ABCC11: variants seen among roughly 807,000 people sequenced by gnomAD.
ABCC11 encodes the protein ATP-binding cassette sub-family C member 11.
In ABCC11, 135 loss-of-function variants were observed where a neutral mutation model predicts 149.3. That is an observed-to-expected ratio of 0.90 (90% CI 0.79 to 1.04). The LOEUF is 1.04. ABCC11 is among the 50% of genes least tolerant of loss of function. The pLI is 0.00. For synonymous variants in ABCC11, 665 were observed against 671.4 expected (o/e 0.99, Z 0.15); for missense variants, 1,680 against 1,722.1 (o/e 0.98, Z 0.43).
At chr16:48,224,240 G>A (rs1969928923) in intron 5 of ABCC11, 42 bp downstream of exon 5, 1 of 1,597,510 alleles carries the variant, frequency 6.3e-7, no homozygotes, top group African/African-American at 1.3e-5. Flanking sequence ...CTAAACCTCT[G>A]AAGCCTAGAG....
At position 48,187,968 on chromosome 16, in the gene ABCC11, C is replaced by T. The variant is rs149903933; in HGVS notation, c.2707-541G>A. The stretch of plus-strand genomic sequence containing the variant: ...CCATAAGACAGGCCCACCAGTGTGT[C>T]GTGTCAGTTTACCATTCCCATGGCA... On this transcript the variant is annotated intron_variant, in intron 20 of 29. Transcript: ENST00000356608. 2.2e-4 allele frequency among the ~76,000 whole-genome samples: 33 copies of T among 152,230 alleles called. No individual in the cohort carries two copies. The East Asian group carries it at 5.6e-3, about 26-fold the overall frequency.
chr16:48,180,629 C>G (rs573760943), intron 23 of ABCC11, among the ~76,000 whole-genome samples: 34 of 152,288 alleles, frequency 2.2e-4, no homozygotes, highest in Admixed American at 3.9e-4. Context: ...CCTCCCAATG[C>G]TCGAATGTAA....
chr16:48,230,526 A>G lies in ABCC11; in HGVS notation c.147T>C (p.Asn49=). The part of the protein sequence containing the change: ...QDGPWSQQER[N]PEAPGRAAVP... ...CAGCTGCCCTCCCTGGAGCCTCAGG[A>G]TTTCTCTCTTGCTGACTCCAGGGGC... The change falls in exon 3 of 30, where the codon AAT becomes AAC. Residue 49 remains asparagine, a synonymous_variant. Transcript: ENST00000356608. The G allele has an allele frequency of 6.2e-7, 1 of 1,612,470 alleles. No individual in the cohort carries two copies. Among genetic ancestry groups the G allele is most frequent in the African/African-American group, 1.3e-5 (1 of 74,982 alleles).
At position 48,187,474 on chromosome 16, in the gene ABCC11, T is replaced by G. The variant is rs369803247; in HGVS notation, c.2707-47A>C. The G allele has an allele frequency of 4.0e-6, 6 of 1,492,100 alleles. No homozygotes were observed. The African/African-American group carries it at 7.0e-5, about 17-fold the overall frequency. 92.4% of individuals were successfully genotyped at this position (1,492,100 alleles called of 1,614,324 possible). On this transcript the variant is annotated intron_variant, in intron 20 of 29. Coordinates refer to ENST00000356608, the MANE Select transcript of ABCC11 (RefSeq NM_001370497.1). ...AGACCATGAGAGAAGCTGCAGGCCC[T>G]GCTCAAGATTGGATGAAGATGCCTG...
chr16:48,207,576 A>G (rs1968550782), intron 12 of ABCC11, among the ~76,000 whole-genome samples: 1 of 152,068 alleles, frequency 6.6e-6, no homozygotes, highest in Non-Finnish European at 1.5e-5. Context: ...TTGAGGCATG[A>G]GAATCACTTG....
At chr16:48,182,906 G>A (rs998959807) in intron 23 of ABCC11, among the ~76,000 whole-genome samples, 3 of 152,160 alleles carry the variant, frequency 2.0e-5, no homozygotes, top group African/African-American at 7.2e-5. Flanking sequence ...TTCCTCATCT[G>A]TAAAAGGGAG....
At chr16:48,244,389 A>T in intron 1 of ABCC11, 1 of 1,542,142 alleles carries the variant, frequency 6.5e-7, no homozygotes, top group Non-Finnish European at 8.7e-7. Flanking sequence ...GGCTGCCAGC[A>T]TGTCATCAGT....
At position 48,215,325 on chromosome 16, in the gene ABCC11, G is replaced by A. The variant is rs2150874849; in HGVS notation, c.971C>T (p.Ala324Val). 6.2e-7 allele frequency: 1 copy of A among 1,613,796 alleles called. No individual in the cohort carries two copies. The change falls in exon 8 of 30, where the codon GCT (alanine) becomes GTT (valine). Residue 324 changes from alanine (A) to valine (V), a missense_variant. Transcript: ENST00000356608. The stretch of plus-strand genomic sequence containing the variant: ...AGATGTGTGATGCTGAGCCTTCACA[G>A]CCATTCTTGTCATGAATACCTGGAG... Reference protein sequence around the residue: ...FPLAVFMTRMAVKAQHHTSEV... With the variant: ...FPLAVFMTRMVVKAQHHTSEV...
intron 20 of ABCC11, 116 bp downstream of exon 20, chr16:48,192,404 A>C: frequency 8.7e-7 from 1 of 1,148,292 alleles, no homozygotes; most frequent in East Asian, 2.6e-5. Context: ...AGATTGTGCC[A>C]CTGCACTCCA....
chr16:48,182,513 C>A (rs999012146), intron 23 of ABCC11, among the ~76,000 whole-genome samples: 5 of 152,136 alleles, frequency 3.3e-5, no homozygotes, highest in Non-Finnish European at 5.9e-5. Flanking sequence ...GGCGCGGTGG[C>A]TCACACCTGT....
rs759478926 is a variant in ABCC11 at position 48,200,297 on chromosome 16, G to A, written c.2061C>T (p.Val687=). 2 of 1,614,112 alleles carry A rather than the reference G, an allele frequency of 1.2e-6. No homozygotes were observed. Among genetic ancestry groups the A allele is most frequent in the South Asian group, 2.2e-5 (2 of 91,076 alleles). Residue 687 remains valine (V), a synonymous_variant, in exon 15 of 30, where the codon GTC becomes GTT. Transcript: ENST00000356608. The part of the protein sequence containing the change: ...IKKTLRGKTV[V]LVTHQLQYLE... ...TAACCTGCAGCTGGTGGGTCACCAG[G>A]ACGACCGTCTTCCCCCTGAGTGTCT...
chr16:48,224,818 T>C (rs1192004311), intron 4 of ABCC11, among the ~76,000 whole-genome samples: 2 of 151,874 alleles, frequency 1.3e-5, no homozygotes, highest in African/African-American at 4.8e-5. Flanking sequence ...AGGTCAGGGG[T>C]TCGAGACCAG....
chr16:48,197,386 C>T lies in ABCC11; in HGVS notation c.2314+585G>A, dbSNP rs1453145871. On this transcript the variant is annotated intron_variant, in intron 17 of 29. Coordinates refer to ENST00000356608, the MANE Select transcript of ABCC11 (RefSeq NM_001370497.1). Reference sequence around the variant, plus strand: ...TGACAGGTACTGTGTAGGGGGCTTCCCTATATATGACCTCATCTAATCTCC... The same window carrying T: ...TGACAGGTACTGTGTAGGGGGCTTCTCTATATATGACCTCATCTAATCTCC... Among the ~76,000 whole-genome samples the T allele has an allele frequency of 2.0e-5, 3 of 152,084 alleles. No homozygotes were observed. The East Asian group carries it at 5.8e-4, about 29-fold the overall frequency.
chr16:48,186,948 C>A lies in ABCC11; in HGVS notation c.3071+5G>T. 1 of 1,614,048 alleles carries A rather than the reference C, an allele frequency of 6.2e-7. No individual in the cohort carries two copies. Among genetic ancestry groups the A allele is most frequent in the Non-Finnish European group, 8.5e-7 (1 of 1,179,976 alleles). Reference sequence around the variant, plus strand: ...TCATTCTCAAATGGCAGCAGAAGGACTCACTGGCTGATGAAGTCTTCAGTT... The same window carrying A: ...TCATTCTCAAATGGCAGCAGAAGGAATCACTGGCTGATGAAGTCTTCAGTT... On this transcript the variant is annotated splice_donor_5th_base_variant and intron_variant, in intron 22 of 29. Coordinates refer to ENST00000356608, the MANE Select transcript of ABCC11 (RefSeq NM_001370497.1).
At chr16:48,205,566 C>G (rs1329116000) in intron 12 of ABCC11, 29 bp from the exon 13 acceptor site, 2 of 1,610,706 alleles carry the variant, frequency 1.2e-6, no homozygotes, top group Non-Finnish European at 1.7e-6. Context: ...AGCCTCAGGA[C>G]CAATTGGGCC....
chr16:48,175,333 C>T lies in ABCC11; in HGVS notation c.3623G>A (p.Ser1208Asn). The part of the protein sequence containing the change: ...RILIDGVDIC[S>N]IGLEDLRSKL... ...GGACCGCAAGTCCTCCAGGCCGATG[C>T]TGCAAATGTCCACGCCGTCAATGAG... Residue 1208 changes from serine to asparagine, a missense_variant, in exon 26 of 30, where the codon AGC becomes AAC. By Grantham distance (46) the Ser-to-Asn change is conservative. Coordinates refer to ENST00000356608, the MANE Select transcript of ABCC11 (RefSeq NM_001370497.1). 2 of 1,614,192 alleles carry T rather than the reference C, an allele frequency of 1.2e-6. No homozygotes were observed. Among genetic ancestry groups the T allele is most frequent in the Non-Finnish European group, 1.7e-6 (2 of 1,180,000 alleles).
At chr16:48,225,038 C>G (rs1347455441) in intron 4 of ABCC11, among the ~76,000 whole-genome samples, 2 of 141,060 alleles carry the variant, frequency 1.4e-5, no homozygotes, top group East Asian at 3.9e-4. Context: ...ATACAAAAAA[C>G]AAACCAAAAA....
At chr16:48,175,045 T>G (rs772520616) in intron 26 of ABCC11, among the ~76,000 whole-genome samples, 5 of 152,254 alleles carry the variant, frequency 3.3e-5, no homozygotes, top group Non-Finnish European at 7.3e-5. Context: ...CGTATAACAT[T>G]ACGGTTTACA....
At chr16:48,182,613 A>G (rs1227105104) in intron 23 of ABCC11, among the ~76,000 whole-genome samples, 1 of 152,066 alleles carries the variant, frequency 6.6e-6, no homozygotes. Context: ...TCCCATCTCT[A>G]CTAAAAAAAA....
Sources: gnomAD v4.1 joint callset for allele counts (sites outside exome capture counted in the v4.1 genomes callset) on GRCh38, gnomAD v4.1.1 for gene constraint, MANE v1.5 for transcripts, NCBI Gene and HGNC (gene_info 2026-07-23, HGNC 2026-07-21) for gene names.